KCNK10: variants seen among roughly 807,000 people sequenced by gnomAD.
The protein encoded by KCNK10 is potassium channel subfamily K member 10.
In KCNK10, 25 loss-of-function variants were observed where a neutral mutation model predicts 47.7. That is an observed-to-expected ratio of 0.52 (90% CI 0.38 to 0.73). The LOEUF (loss-of-function observed/expected upper bound fraction) is 0.73. Among genes scored for constraint, KCNK10 ranks in the 30% least tolerant of loss-of-function variants. KCNK10 has a pLI of 0.00. For synonymous variants in KCNK10, 303 were observed against 285.6 expected, an observed-to-expected ratio of 1.06 and a Z score of -0.61; for missense variants, 563 against 714.5, an observed-to-expected ratio of 0.79 and a Z score of 2.42.
intron 4 of KCNK10, among the ~76,000 whole-genome samples, chr14:88,204,160 A>G (rs1036216932): frequency 6.6e-6 from 1 of 152,158 alleles, no homozygotes; most frequent in Non-Finnish European, 1.5e-5. Context: ...GAGAGGTAGG[A>G]GAGAGCGAGA....
At chr14:88,247,632 G>A in intron 2 of KCNK10, among the ~76,000 whole-genome samples, 1 of 152,208 alleles carries the variant, frequency 6.6e-6, no homozygotes, top group East Asian at 1.9e-4. Flanking sequence ...GGCAAGTGGA[G>A]AATCTGTTTG....
intron 3 of KCNK10, among the ~76,000 whole-genome samples, chr14:88,232,439 T>A (rs1338156802): frequency 6.6e-6 from 1 of 152,212 alleles, no homozygotes; most frequent in Non-Finnish European, 1.5e-5. Context: ...AGTTTTCTTA[T>A]AAACCTTGCG....
At chr14:88,323,354 C>A, upstream of KCNK10, 2 of 945,050 alleles carry the variant, frequency 2.1e-6, no homozygotes, top group Non-Finnish European at 2.5e-6. Context: ...CGACGCCCCC[C>A]ACTTCCCGCT....
chr14:88,318,500 CAGG>C (rs1888474409), intron 1 of KCNK10, among the ~76,000 whole-genome samples: 1 of 152,092 alleles, frequency 6.6e-6, no homozygotes, highest in Non-Finnish European at 1.5e-5. Flanking sequence ...TGCTGGGGAA[CAGG>C]AGGAGAGGTC....
At chr14:88,245,082 C>T (rs551468172) in intron 2 of KCNK10, among the ~76,000 whole-genome samples, 6 of 152,196 alleles carry the variant, frequency 3.9e-5, no homozygotes, top group African/African-American at 9.6e-5. Flanking sequence ...GTAAATGGCA[C>T]GGGAGTGAAT....
intron 5 of KCNK10, among the ~76,000 whole-genome samples, chr14:88,191,183 C>T (rs912537542): frequency 2.0e-5 from 3 of 151,676 alleles, no homozygotes; most frequent in Non-Finnish European, 2.9e-5. Flanking sequence ...CCCAGAGGTC[C>T]GAGGCTGCAG....
At chr14:88,286,841 T>A (rs1887774186) in intron 1 of KCNK10, among the ~76,000 whole-genome samples, 1 of 152,128 alleles carries the variant, frequency 6.6e-6, no homozygotes, top group South Asian at 2.1e-4. Flanking sequence ...CCACAACATG[T>A]GAAAATTATG....
intron 1 of KCNK10, among the ~76,000 whole-genome samples, chr14:88,288,724 G>A (rs763355712): frequency 1.3e-5 from 2 of 151,948 alleles, no homozygotes; most frequent in African/African-American, 2.4e-5. Context: ...CCTCAATACC[G>A]CCCAGCCACA....
intron 1 of KCNK10, among the ~76,000 whole-genome samples, chr14:88,288,653 C>T (rs1412803756): frequency 6.6e-6 from 1 of 152,180 alleles, no homozygotes; most frequent in Non-Finnish European, 1.5e-5. Context: ...AAACTCCTGT[C>T]CTTAGATCCC....
chr14:88,263,312 A>G lies in KCNK10; in HGVS notation c.292T>C (p.Leu98=). Reference sequence around the variant, plus strand: ...TGGCTGCTCTCAAAGGGCTGCTCCAATGCCCGGAAGACAAGACCGCCAGTG... The same window carrying G: ...TGGCTGCTCTCAAAGGGCTGCTCCAGTGCCCGGAAGACAAGACCGCCAGTG... The part of the protein sequence containing the change: ...LVTGGLVFRA[L]EQPFESSQKN... Residue 98 remains leucine (L), a synonymous_variant, in exon 2 of 7, where the codon TTG becomes CTG. Coordinates refer to ENST00000319231, the MANE Select transcript of KCNK10 (RefSeq NM_138317.3). The G allele has an allele frequency of 6.2e-7, 1 of 1,614,070 alleles. No individual in the cohort carries two copies. The highest frequency in any genetic ancestry group is 8.5e-7 in the Non-Finnish European group (1 of 1,180,030).
intron 1 of KCNK10, among the ~76,000 whole-genome samples, chr14:88,310,196 A>ATGGTATATCATATACCATATCATC (rs1888290806): frequency 8.1e-6 from 1 of 123,000 alleles, no homozygotes; most frequent in Non-Finnish European, 1.9e-5. Context: ...ACCATATCAT[A>ATGGTATATCATATACCATATCATC]TGGTATATGA....
At chr14:88,203,874 T>G (rs941896213) in intron 4 of KCNK10, among the ~76,000 whole-genome samples, 1 of 152,154 alleles carries the variant, frequency 6.6e-6, no homozygotes, top group African/African-American at 2.4e-5. Context: ...TGACAACCCC[T>G]GCCAGTACCC....
chr14:88,194,882 C>A (rs181478155), intron 4 of KCNK10, among the ~76,000 whole-genome samples: 1 of 151,998 alleles, frequency 6.6e-6, no homozygotes, highest in African/African-American at 2.4e-5. Context: ...TTAAGAAATG[C>A]GCGTCTTGCA....
At chr14:88,285,939 C>T (rs1413396940) in intron 1 of KCNK10, among the ~76,000 whole-genome samples, 6 of 152,188 alleles carry the variant, frequency 3.9e-5, no homozygotes, top group Non-Finnish European at 8.8e-5. Flanking sequence ...AGAAGTGACA[C>T]TATGTGACCT....
At chr14:88,318,278 A>G (rs1038351394) in intron 1 of KCNK10, among the ~76,000 whole-genome samples, 4 of 152,222 alleles carry the variant, frequency 2.6e-5, no homozygotes, top group African/African-American at 9.6e-5. Context: ...CCAACCTTCC[A>G]TTCATTCAGC....
At chr14:88,309,251 T>C (rs1888263046) in intron 1 of KCNK10, among the ~76,000 whole-genome samples, 1 of 152,224 alleles carries the variant, frequency 6.6e-6, no homozygotes, top group Non-Finnish European at 1.5e-5. Flanking sequence ...CTCCAGACTC[T>C]AGTAGAGCCT....
At position 88,322,753 on chromosome 14, in the gene KCNK10, G is replaced by T. The variant is rs773763807; in HGVS notation, c.46C>A (p.Pro16Thr). The change falls in exon 1 of 7, where the codon CCT (proline) becomes ACT (threonine). Residue 16 changes from proline (P) to threonine (T), a missense_variant. Coordinates refer to ENST00000319231, the MANE Select transcript of KCNK10 (RefSeq NM_138317.3). This position sits in a 1 kb window ranked among gnomAD's most constrained non-coding sequence, Gnocchi z 4.8. Reference sequence around the variant, plus strand: ...AAAAGTAGGAAACACCCACCTTTAGGATCCCAGTTCACCTGTTTTCTTGGC... The same window carrying T: ...AAAAGTAGGAAACACCCACCTTTAGTATCCCAGTTCACCTGTTTTCTTGGC... The part of the protein sequence containing the change: ...ETPRKQVNWD[P>T]KVAVPAAAPV... The T allele has an allele frequency of 2.5e-6, 4 of 1,614,122 alleles. No individual in the cohort carries two copies. The South Asian group carries it at 3.3e-5, about 13-fold the overall frequency.
chr14:88,292,905 C>T (rs1232529464), intron 1 of KCNK10, among the ~76,000 whole-genome samples: 1 of 152,102 alleles, frequency 6.6e-6, no homozygotes, highest in South Asian at 2.1e-4. Context: ...ATTACAGGAA[C>T]AAGCCACCTC....
At chr14:88,255,061 T>C (rs1886908875) in intron 2 of KCNK10, among the ~76,000 whole-genome samples, 2 of 152,176 alleles carry the variant, frequency 1.3e-5, no homozygotes. Flanking sequence ...TCCATGATCA[T>C]TCCCCTTCTA....
Sources: gnomAD v4.1 joint callset for allele counts (sites outside exome capture counted in the v4.1 genomes callset) on GRCh38, gnomAD v4.1.1 for gene constraint, Gnocchi (gnomAD v3.1) non-coding constraint, MANE v1.5 for transcripts, NCBI Gene and HGNC (gene_info 2026-07-23, HGNC 2026-07-21) for gene names.